OPCML: variants seen among roughly 807,000 people sequenced by gnomAD.
OPCML encodes opioid binding protein/cell adhesion molecule like, also known as opioid-binding protein/cell adhesion molecule.
A neutral mutation model predicts 37.8 loss-of-function variants in OPCML; 13 were observed. The ratio of observed to expected loss-of-function variants is 0.34; its 90% CI spans 0.22 to 0.55. The LOEUF is 0.55. OPCML is among the 20% of genes least tolerant of loss of function. The probability of loss-of-function intolerance (pLI) is 0.91; values close to 1 mark genes in which losing one functional copy is unlikely to be tolerated. For synonymous variants in OPCML, 176 were observed against 168.8 expected, an observed-to-expected ratio of 1.04 and a Z score of -0.33; for missense variants, 341 against 435.6, an observed-to-expected ratio of 0.78 and a Z score of 1.93.
At chr11:132,537,895 A>G (rs1343428134) in intron 3 of OPCML, among the ~76,000 whole-genome samples, 1 of 152,254 alleles carries the variant, frequency 6.6e-6, no homozygotes, top group Non-Finnish European at 1.5e-5. Flanking sequence ...GATGACTTTA[A>G]TCAAAAAGAG....
chr11:132,706,519 C>T (rs1045950759), intron 2 of OPCML, among the ~76,000 whole-genome samples: 3 of 152,052 alleles, frequency 2.0e-5, no homozygotes, highest in Non-Finnish European at 4.4e-5. Context: ...ATGATGTTGC[C>T]TGAAGAAAAG....
At chr11:133,036,413 C>T (rs192519093) in intron 1 of OPCML, among the ~76,000 whole-genome samples, 132 of 152,336 alleles carry the variant, frequency 8.7e-4, no homozygotes, top group Middle Eastern at 6.8e-3. Context: ...TTATTGTTAG[C>T]ATTTGTTTAC....
chr11:133,432,386 T>C (rs1303332896), intron 1 of OPCML, among the ~76,000 whole-genome samples: 1 of 152,122 alleles, frequency 6.6e-6, no homozygotes, highest in Non-Finnish European at 1.5e-5. Context: ...TTTTTAGAAA[T>C]GGGGACTTAC....
chr11:133,404,699 CT>C (rs1458566572), intron 1 of OPCML, among the ~76,000 whole-genome samples: 1 of 152,190 alleles, frequency 6.6e-6, no homozygotes, highest in Non-Finnish European at 1.5e-5. Context: ...GCTGATGCAG[CT>C]TTAGCTAGGG....
chr11:133,140,579 A>AAGAAGAAGAAT (rs1949763457), intron 1 of OPCML, among the ~76,000 whole-genome samples: 2 of 128,332 alleles, frequency 1.6e-5, no homozygotes, highest in African/African-American at 5.5e-5. Flanking sequence ...AGAAGAAGAA[A>AAGAAGAAGAAT]GAAGAAAAAA....
At chr11:132,441,312 C>A (rs193246510) in intron 4 of OPCML, among the ~76,000 whole-genome samples, 16 of 148,730 alleles carry the variant, frequency 1.1e-4, no homozygotes, top group African/African-American at 2.8e-4. Context: ...GGACTGCAGG[C>A]GCCCGCCACT....
chr11:132,514,481 C>T (rs2096275538), intron 4 of OPCML, among the ~76,000 whole-genome samples: 1 of 152,064 alleles, frequency 6.6e-6, no homozygotes, highest in Admixed American at 6.6e-5. Context: ...TACAGTCAAG[C>T]CCTATGCTTC....
chr11:132,766,154 T>C (rs1164886164), intron 2 of OPCML, among the ~76,000 whole-genome samples: 2 of 150,852 alleles, frequency 1.3e-5, no homozygotes, highest in Non-Finnish European at 2.9e-5. Flanking sequence ...CTTACATAAA[T>C]ATGTCAACTA....
At chr11:133,044,660 A>G (rs1947973506) in intron 1 of OPCML, among the ~76,000 whole-genome samples, 2 of 152,196 alleles carry the variant, frequency 1.3e-5, no homozygotes, top group South Asian at 4.1e-4. Context: ...GTTAATTCAT[A>G]CATTATAAAT....
chr11:133,213,989 G>A (rs945473775), intron 1 of OPCML, among the ~76,000 whole-genome samples: 1 of 152,150 alleles, frequency 6.6e-6, no homozygotes, highest in Non-Finnish European at 1.5e-5. Context: ...GATGTATGAT[G>A]AAAATGGTTA....
intron 2 of OPCML, among the ~76,000 whole-genome samples, chr11:132,673,440 G>A (rs886398177): frequency 2.0e-5 from 3 of 152,118 alleles, no homozygotes; most frequent in African/African-American, 7.2e-5. Context: ...CCAAGTGAGA[G>A]GACTATTTTC....
intron 1 of OPCML, among the ~76,000 whole-genome samples, chr11:132,968,114 T>C (rs1336021434): frequency 6.6e-6 from 1 of 152,222 alleles, no homozygotes; most frequent in Admixed American, 6.5e-5. Flanking sequence ...TTTGTTAGGT[T>C]TCTAGTTAAG....
At chr11:133,037,068 G>A (rs1170243858) in intron 1 of OPCML, among the ~76,000 whole-genome samples, 6 of 152,202 alleles carry the variant, frequency 3.9e-5, no homozygotes, top group Admixed American at 2.0e-4. Context: ...GGTCCCAATC[G>A]AAAACATACA....
chr11:132,742,288 G>A (rs951356440), intron 2 of OPCML, among the ~76,000 whole-genome samples: 12 of 152,226 alleles, frequency 7.9e-5, no homozygotes, highest in African/African-American at 2.9e-4. Context: ...GCACCAATGA[G>A]ATGGCTTTAG....
intron 2 of OPCML, among the ~76,000 whole-genome samples, chr11:132,747,851 G>A (rs1945689175): frequency 6.6e-6 from 1 of 152,136 alleles, no homozygotes; most frequent in Admixed American, 6.5e-5. Flanking sequence ...TTAGAGATGG[G>A]GGAGCGGGTC....
At position 132,420,034 on chromosome 11, in the gene OPCML, AT is replaced by A; in HGVS notation, c.*158del. ...CCAACCCCACTCATTCAAGCTGGAA[AT>A]AAAAGCAAACAAACAAATAAACAAA... is the stretch of plus-strand genomic sequence containing the variant. On this transcript the variant is annotated 3_prime_UTR_variant, in exon 8 of 8. Coordinates refer to ENST00000524381, the MANE Select transcript of OPCML (RefSeq NM_001012393.5). 1 of 588,730 alleles carries A rather than the reference AT, an allele frequency of 1.7e-6. No individual in the cohort carries two copies. The highest frequency in any genetic ancestry group is 3.0e-6 in the Non-Finnish European group (1 of 338,634). 36.5% of individuals were successfully genotyped at this position (588,730 alleles called of 1,614,324 possible). A position where few individuals can be genotyped will look rare whatever the true frequency, so the allele number is the denominator to read the frequency against.
chr11:133,476,676 T>A (rs1947247254), intron 1 of OPCML, among the ~76,000 whole-genome samples: 1 of 152,178 alleles, frequency 6.6e-6, no homozygotes, highest in African/African-American at 2.4e-5. Flanking sequence ...AAGCAGATCA[T>A]CTGGCAGGAA....
At chr11:132,529,291 T>C (rs1391106282) in intron 3 of OPCML, 105 bp from the exon 4 acceptor site, 1 of 1,370,904 alleles carries the variant, frequency 7.3e-7, no homozygotes, top group Admixed American at 2.6e-5. Context: ...TAATAAATAT[T>C]GTTTGCAGTA....
At chr11:133,314,001 C>A (rs535334843) in intron 1 of OPCML, among the ~76,000 whole-genome samples, 1 of 151,892 alleles carries the variant, frequency 6.6e-6, no homozygotes, top group Admixed American at 6.6e-5. Context: ...TTTGGGAGGC[C>A]GAGGCGGGCG....
Sources: allele counts gnomAD v4.1 joint callset (sites outside exome capture counted in the v4.1 genomes callset), GRCh38; gene constraint gnomAD v4.1.1; transcripts MANE v1.5; gene names NCBI Gene and HGNC (gene_info 2026-07-23, HGNC 2026-07-21).